Variants in LENG9 observed in about 807,000 individuals in gnomAD.
LENG9 encodes the protein leukocyte receptor cluster member 9, also known as leukocyte receptor cluster (LRC) member 9.
For missense variants in LENG9, 872 were observed against 652.7 expected, an observed-to-expected ratio of 1.34 and a Z score of -3.66; for synonymous variants, 410 against 303.9, an observed-to-expected ratio of 1.35 and a Z score of -3.63.
rs1417833778 is a variant in LENG9, at chr19:54,462,278, A to G, written c.1249T>C (p.Ser417Pro). ...LEAEGLSTLQ[S>P]PGQLHPHLTV... ...AGGTGGGGGTGCAGCTGCCCTGGAG[A>G]CTGTAGTGTACTCAGCCCCTCGGCT... Residue 417 changes from serine (S) to proline (P), a missense_variant, in exon 1 of 1, where the codon TCT becomes CCT. Physicochemically the swap from Ser to Pro is moderately conservative, Grantham distance 74 (BLOSUM62 -1). Coordinates refer to ENST00000611161, the MANE Select transcript of LENG9 (RefSeq NM_001301782.2). The G allele has an allele frequency of 6.2e-7, 1 of 1,604,126 alleles. No homozygotes were observed. The highest frequency in any genetic ancestry group is 1.1e-5 in the South Asian group (1 of 90,136).
In LENG9 at chr19:54,462,503, G is replaced by A. The variant is rs2084620379; in HGVS notation, c.1024C>T (p.Leu342=). The A allele has an allele frequency of 4.3e-6, 7 of 1,613,414 alleles. No homozygotes were observed. The highest frequency in any genetic ancestry group is 5.9e-6 in the Non-Finnish European group (7 of 1,180,028). ...LVPSQNLHLT[L]ALLRLAGAGE... Reference sequence around the variant, plus strand: ...GCGCCTGCCAGTCGCAGCAGGGCCAGGGTCAGGTGTAGGTTCTGAGAGGGC... The same window carrying A: ...GCGCCTGCCAGTCGCAGCAGGGCCAAGGTCAGGTGTAGGTTCTGAGAGGGC... The change falls in exon 1 of 1, where the codon CTG becomes TTG. Residue 342 remains leucine (L), a synonymous_variant. Transcript: ENST00000611161.
At position 54,462,676 on chromosome 19, in the gene LENG9, C is replaced by T. The variant is rs199881375; in HGVS notation, c.851G>A (p.Arg284Lys). The change falls in exon 1 of 1, where the codon AGG (arginine) becomes AAG (lysine). Residue 284 changes from arginine to lysine, a missense_variant. Transcript: ENST00000611161. ...WGPAAWPEDK[R>K]ARLSVAAPCQ... The stretch of plus-strand genomic sequence containing the variant: ...AGGGGCTGCAACACTAAGGCGGGCC[C>T]TTTTGTCCTCGGGCCAGGCCGCAGG... The T allele has an allele frequency of 3.7e-6, 6 of 1,611,814 alleles. No homozygotes were observed. In the African/African-American group the frequency reaches 5.3e-5, roughly 14 times the overall value.
chr19:54,462,690 C>T lies in LENG9; in HGVS notation c.837G>A (p.Trp279Ter), dbSNP rs1244302436. The T allele has an allele frequency of 1.9e-6, 3 of 1,611,276 alleles. No homozygotes were observed. Among genetic ancestry groups the T allele is most frequent in the Non-Finnish European group, 2.5e-6 (3 of 1,179,996 alleles). Residue 279 changes from tryptophan to a stop codon, truncating the protein, a stop_gained, in exon 1 of 1, where the codon TGG becomes TGA. Coordinates refer to ENST00000611161, the MANE Select transcript of LENG9 (RefSeq NM_001301782.2). LOFTEE classifies it low-confidence loss of function (END_TRUNC). ...TTEAEWGPAA[W>*]PEDKRARLSV... ...TAAGGCGGGCCCTTTTGTCCTCGGG[C>T]CAGGCCGCAGGACCCCACTCGGCTT...
In LENG9 at chr19:54,463,306, A is replaced by G; in HGVS notation, c.221T>C (p.Ile74Thr). 6.5e-7 allele frequency: 1 copy of G among 1,527,606 alleles called. No homozygotes were observed. The highest frequency in any genetic ancestry group is 1.2e-5 in the South Asian group (1 of 83,396). The allele number at this position is 1,527,606 out of a possible 1,614,324, so 94.6% of individuals were successfully genotyped here. The change falls in exon 1 of 1, where the codon ATC (isoleucine) becomes ACC (threonine). Residue 74 changes from isoleucine (I) to threonine (T), a missense_variant. Physicochemically the swap from Ile to Thr is moderately conservative, Grantham distance 89. Transcript: ENST00000611161. ...GGGGTCGAGGCGCGGGTCCCAGCGG[A>G]TGCGCTGGATGACGTCCGCGGCTGT... ...LRTAADVIQR[I>T]RWDPRLDPAD... is the part of the protein sequence containing the mutation.
chr19:54,462,770 C>T lies in LENG9; in HGVS notation c.757G>A (p.Gly253Arg), dbSNP rs2084635469. ...PTAATRTTLL[G>R]GKEAQALGVP... ...CCCAGGGCCTGTGCTTCCTTGCCCCCCAGCAATGTGGTCCTGGTGGCTGCT... is the reference window on the plus strand; with the variant it reads ...CCCAGGGCCTGTGCTTCCTTGCCCCTCAGCAATGTGGTCCTGGTGGCTGCT... Residue 253 changes from glycine (G) to arginine (R), a missense_variant, in exon 1 of 1, where the codon GGG becomes AGG. By Grantham distance (125) the Gly-to-Arg change is moderately radical. Coordinates refer to ENST00000611161, the MANE Select transcript of LENG9 (RefSeq NM_001301782.2). 2 of 1,611,080 alleles carry T rather than the reference C, an allele frequency of 1.2e-6. No homozygotes were observed. The highest frequency in any genetic ancestry group is 1.7e-5 in the Admixed American group (1 of 59,938).
rs959272608 is a variant in LENG9 at position 54,463,570 on chromosome 19, C to T, written c.-44G>A. 3 of 1,368,524 alleles carry T rather than the reference C, an allele frequency of 2.2e-6. No individual in the cohort carries two copies. The highest frequency in any genetic ancestry group is 3.0e-5 in the African/African-American group (2 of 66,524). 84.8% of individuals were successfully genotyped at this position (1,368,524 alleles called of 1,614,324 possible). On this transcript the variant is annotated 5_prime_UTR_variant, in exon 1 of 1. Transcript: ENST00000611161. ...CGCCCGCCGCGCAGACGAGGTCGCC[C>T]CGCACGGAGGGCGGCTCCCCTTGGA... is the stretch of plus-strand genomic sequence containing the variant.
At position 54,463,633 on chromosome 19, in the gene LENG9, G is replaced by A; in HGVS notation, c.-107C>T. 3.2e-6 allele frequency: 4 copies of A among 1,255,368 alleles called. No homozygotes were observed. Among genetic ancestry groups the A allele is most frequent in the Non-Finnish European group, 4.0e-6 (4 of 991,918 alleles). The allele number at this position is 1,255,368 out of a possible 1,614,324, so 77.8% of individuals were successfully genotyped here. A position where few individuals can be genotyped will look rare whatever the true frequency, so the allele number is the denominator to read the frequency against. On this transcript the variant is annotated 5_prime_UTR_variant, in exon 1 of 1. Transcript: ENST00000611161. ...CACCCGACAGTGGCGTCAGCGGCCC[G>A]CGCTCCGGCCTAGCTCTGGGGACCA...
In LENG9 at chr19:54,463,591, T is replaced by A. The variant is rs1981829; in HGVS notation, c.-65A>T. ...CGCCCCGCACGGAGGGCGGCTCCCC[T>A]TGGATGCACCGAGCCTCACCCGACA... On this transcript the variant is annotated 5_prime_UTR_variant, in exon 1 of 1. The change creates a new upstream start codon in the 5' untranslated region. Transcript: ENST00000611161. The A allele has an allele frequency of 0.38, 510,494 of 1,326,582 alleles. 100,696 individuals carry two copies. The highest frequency in any genetic ancestry group is 0.64 in the East Asian group (20,029 of 31,482). The allele number at this position is 1,326,582 out of a possible 1,614,324, so 82.2% of individuals were successfully genotyped here.
chr19:54,463,615 C>T lies in LENG9; in HGVS notation c.-89G>A. 1 of 1,270,600 alleles carries T rather than the reference C, an allele frequency of 7.9e-7. No homozygotes were observed. Among genetic ancestry groups the T allele is most frequent in the Non-Finnish European group, 1.0e-6 (1 of 1,003,366 alleles). The allele number at this position is 1,270,600 out of a possible 1,614,324, so 78.7% of individuals were successfully genotyped here. A position where few individuals can be genotyped will look rare whatever the true frequency, so the allele number is the denominator to read the frequency against. On this transcript the variant is annotated 5_prime_UTR_variant, in exon 1 of 1. Transcript: ENST00000611161. ...CTTGGATGCACCGAGCCTCACCCGA[C>T]AGTGGCGTCAGCGGCCCGCGCTCCG...
At position 54,462,812 on chromosome 19, in the gene LENG9, C is replaced by T; in HGVS notation, c.715G>A (p.Glu239Lys). The T allele has an allele frequency of 6.2e-7, 1 of 1,611,954 alleles. No individual in the cohort carries two copies. Among genetic ancestry groups the T allele is most frequent in the Non-Finnish European group, 8.5e-7 (1 of 1,179,786 alleles). Residue 239 changes from glutamate (E) to lysine (K), a missense_variant, in exon 1 of 1, where the codon GAG becomes AAG. Transcript: ENST00000611161. ...GTGGCTGCTGTTGGCTTCAGTGCCTCAGTCACTCCGGCGAGGCGTCCTCTT... is the reference window on the plus strand; with the variant it reads ...GTGGCTGCTGTTGGCTTCAGTGCCTTAGTCACTCCGGCGAGGCGTCCTCTT... ...APRGRLAGVT[E>K]ALKPTAATRT...
In LENG9 at chr19:54,462,000, AAG is replaced by A. The variant is rs2084594478; in HGVS notation, c.*88_*89del. The A allele has an allele frequency of 2.1e-5, 30 of 1,415,570 alleles. No homozygotes were observed. Among genetic ancestry groups the A allele is most frequent in the East Asian group, 4.5e-5 (2 of 43,962 alleles). The allele number at this position is 1,415,570 out of a possible 1,614,324, so 87.7% of individuals were successfully genotyped here. On this transcript the variant is annotated 3_prime_UTR_variant, in exon 1 of 1. Transcript: ENST00000611161. The stretch of plus-strand genomic sequence containing the variant: ...GGAAGCTTGAGAGAAACCAAAATTA[AAG>A]AGAGAAAGAGAGAGCGTGCACGCTC...
Position 54,462,723 on chromosome 19 carries a change from C to T in LENG9, c.804G>A (p.Glu268=), listed in dbSNP as rs763176602. The T allele has an allele frequency of 1.9e-6, 3 of 1,610,688 alleles. No individual in the cohort carries two copies. The highest frequency in any genetic ancestry group is 2.7e-5 in the African/African-American group (2 of 74,942). ...QALGVPGGSA[E]TTEAEWGPAA... is the part of the protein sequence containing the mutation. ...CAGGACCCCACTCGGCTTCTGTCGT[C>T]TCAGCGGAGCCCCCCGGGACTCCCA... The change falls in exon 1 of 1, where the codon GAG becomes GAA. Residue 268 remains glutamate, a synonymous_variant. Coordinates refer to ENST00000611161, the MANE Select transcript of LENG9 (RefSeq NM_001301782.2).
chr19:54,463,194 C>A lies in LENG9; in HGVS notation c.333G>T (p.Ala111=), dbSNP rs750408742. Residue 111 remains alanine, a synonymous_variant, in exon 1 of 1, where the codon GCG becomes GCT. Coordinates refer to ENST00000611161, the MANE Select transcript of LENG9 (RefSeq NM_001301782.2). ...CTGCCAGCACGCCCGGCCCGAGCGC[C>A]GCCAGCGGCTGGTCCCAGCAAAAGG... The part of the protein sequence containing the change: ...FSAFCWDQPL[A]ALGPGVLAVP... 6.4e-7 allele frequency: 1 copy of A among 1,564,854 alleles called. No individual in the cohort carries two copies. Among genetic ancestry groups the A allele is most frequent in the Non-Finnish European group, 8.6e-7 (1 of 1,161,812 alleles).
rs2084665147 is a variant in LENG9, at chr19:54,463,400, G to A, written c.127C>T (p.Pro43Ser). Residue 43 changes from proline (P) to serine (S), a missense_variant, in exon 1 of 1, where the codon CCT becomes TCT. Pro to Ser is a moderately conservative substitution (Grantham distance 74). Coordinates refer to ENST00000611161, the MANE Select transcript of LENG9 (RefSeq NM_001301782.2). Reference protein sequence around the residue: ...RFGARCRQPHPGAPAPPGREA... With the variant: ...RFGARCRQPHSGAPAPPGREA... Reference sequence around the variant, plus strand: ...CGGCCAGGCGGCGCCGGCGCCCCAGGGTGGGGCTGGCGGCAGCGGGCGCCG... The same window carrying A: ...CGGCCAGGCGGCGCCGGCGCCCCAGAGTGGGGCTGGCGGCAGCGGGCGCCG... The A allele has an allele frequency of 1.6e-6, 2 of 1,262,020 alleles. No homozygotes were observed. Among genetic ancestry groups the A allele is most frequent in the Non-Finnish European group, 9.9e-7 (1 of 1,005,726 alleles). The allele number at this position is 1,262,020 out of a possible 1,614,324, so 78.2% of individuals were successfully genotyped here. A position where few individuals can be genotyped will look rare whatever the true frequency, so the allele number is the denominator to read the frequency against.
Position 54,463,600 on chromosome 19 carries a change from C to G in LENG9, c.-74G>C. 9 of 1,296,260 alleles carry G rather than the reference C, an allele frequency of 6.9e-6. No individual in the cohort carries two copies. The highest frequency in any genetic ancestry group is 8.8e-6 in the Non-Finnish European group (9 of 1,018,990). 80.3% of individuals were successfully genotyped at this position (1,296,260 alleles called of 1,614,324 possible). Reference sequence around the variant, plus strand: ...CGGAGGGCGGCTCCCCTTGGATGCACCGAGCCTCACCCGACAGTGGCGTCA... The same window carrying G: ...CGGAGGGCGGCTCCCCTTGGATGCAGCGAGCCTCACCCGACAGTGGCGTCA... On this transcript the variant is annotated 5_prime_UTR_variant, in exon 1 of 1. Coordinates refer to ENST00000611161, the MANE Select transcript of LENG9 (RefSeq NM_001301782.2).
Position 54,462,696 on chromosome 19 carries a change from C to G in LENG9, c.831G>C (p.Ala277=). 2 of 1,611,058 alleles carry G rather than the reference C, an allele frequency of 1.2e-6. No homozygotes were observed. The highest frequency in any genetic ancestry group is 1.7e-6 in the Non-Finnish European group (2 of 1,179,990). Residue 277 remains alanine (A), a synonymous_variant, in exon 1 of 1, where the codon GCG becomes GCC. Transcript: ENST00000611161. ...AETTEAEWGP[A]AWPEDKRARL... is the part of the protein sequence containing the mutation. ...GGGCCCTTTTGTCCTCGGGCCAGGCCGCAGGACCCCACTCGGCTTCTGTCG... is the reference window on the plus strand; with the variant it reads ...GGGCCCTTTTGTCCTCGGGCCAGGCGGCAGGACCCCACTCGGCTTCTGTCG...
In LENG9 at chr19:54,462,156, G is replaced by C. The variant is rs1425081360; in HGVS notation, c.1371C>G (p.Leu457=). 4.4e-6 allele frequency: 7 copies of C among 1,608,924 alleles called. No homozygotes were observed. Among genetic ancestry groups the C allele is most frequent in the South Asian group, 2.2e-5 (2 of 90,462 alleles). ...CTGTCCTCCCTATACGGCACAGCCA[G>C]AGTGTCTGCAGGGGCTGGCACCCCA... ...QEVGCQPLQT[L]WLCRIGRTGG... is the part of the protein sequence containing the mutation. The change falls in exon 1 of 1, where the codon CTC becomes CTG. Residue 457 remains leucine, a synonymous_variant. Transcript: ENST00000611161.
In LENG9 at chr19:54,463,171, G is replaced by T; in HGVS notation, c.356C>A (p.Ala119Glu). The stretch of plus-strand genomic sequence containing the variant: ...GAAGCGCACGCGGTGCTGGGGCACT[G>T]CCAGCACGCCCGGCCCGAGCGCCGC... The part of the protein sequence containing the change: ...PLAALGPGVL[A>E]VPQHRVRFFR... Residue 119 changes from alanine to glutamate, a missense_variant, in exon 1 of 1, where the codon GCA (alanine) becomes GAA (glutamate). Ala to Glu is a moderately radical substitution (Grantham distance 107). Coordinates refer to ENST00000611161, the MANE Select transcript of LENG9 (RefSeq NM_001301782.2). 1 of 1,582,806 alleles carries T rather than the reference G, an allele frequency of 6.3e-7. No individual in the cohort carries two copies.
In LENG9 at chr19:54,463,452, G is replaced by A. The variant is rs1042605138; in HGVS notation, c.75C>T (p.Arg25=). The A allele has an allele frequency of 1.6e-6, 2 of 1,272,394 alleles. No individual in the cohort carries two copies. The highest frequency in any genetic ancestry group is 3.1e-5 in the African/African-American group (2 of 64,772). 78.8% of individuals were successfully genotyped at this position (1,272,394 alleles called of 1,614,324 possible). Residue 25 remains arginine (R), a synonymous_variant, in exon 1 of 1, where the codon CGC becomes CGT. Transcript: ENST00000611161. ...ATEPAPPPAC[R]FFLEGRCRFG... ...AGCGGCAGCGGCCTTCCAGGAAGAA[G>A]CGGCAGGCCGGCGGGGGCGCGGGTT... is the stretch of plus-strand genomic sequence containing the variant.
Sources: gnomAD v4.1 joint callset for allele counts on GRCh38, gnomAD v4.1.1 for gene constraint, MANE v1.5 for transcripts, NCBI Gene and HGNC (gene_info 2026-07-23, HGNC 2026-07-21) for gene names.